Variants in CHTOP observed in about 807,000 individuals in gnomAD.
CHTOP encodes chromatin target of PRMT1.
Under a neutral mutation model 33.6 loss-of-function variants are expected in CHTOP, and 18 were observed. That is an observed-to-expected ratio of 0.54 (90% CI 0.37 to 0.80). The LOEUF (loss-of-function observed/expected upper bound fraction) is 0.80, where lower values mean the gene tolerates loss of function less well. CHTOP is among the 30% of genes least tolerant of loss of function. The pLI, the probability that CHTOP is intolerant of heterozygous loss-of-function variation, is 0.00. For missense variants in CHTOP, 263 were observed against 336.8 expected (o/e 0.78, Z 1.71); for synonymous variants, 117 against 127.7 (o/e 0.92, Z 0.56).
At chr1:153,642,462 C>T (rs1431100130) in intron 4 of CHTOP, 33 bp downstream of exon 4, 2 of 1,537,880 alleles carry the variant, frequency 1.3e-6, no homozygotes, top group East Asian at 2.3e-5. Context: ...ATTGTCGGGC[C>T]CTACTCCCTT....
rs1368014036 is a variant in CHTOP at position 153,646,021 on chromosome 1, G to T, written c.*752G>T. On this transcript the variant is annotated 3_prime_UTR_variant, in exon 6 of 6. Coordinates refer to ENST00000368694, the MANE Select transcript of CHTOP (RefSeq NM_015607.4). ...TGACCAGAGGGGTACTATAGGGTTG[G>T]TTTATACTGCAATATAGAGGATCAG... 2.0e-5 allele frequency: 3 copies of T among 152,230 alleles called. No individual in the cohort carries two copies. Among genetic ancestry groups the T allele is most frequent in the African/African-American group, 7.2e-5 (3 of 41,442 alleles). The allele number at this position is 152,230 out of a possible 1,614,324, so 9.4% of individuals were successfully genotyped here.
intron 1 of CHTOP, among the ~76,000 whole-genome samples, chr1:153,635,409 C>T (rs1168217179): frequency 6.6e-6 from 1 of 152,038 alleles, no homozygotes; most frequent in African/African-American, 2.4e-5. Flanking sequence ...GCCTTGGCCT[C>T]CCAAAGTGCT....
Position 153,642,357 on chromosome 1 carries a change from G to A in CHTOP, c.331G>A (p.Gly111Ser). Residue 111 changes from glycine (G) to serine (S), a missense_variant, in exon 4 of 6, where the codon GGC becomes AGC. By Grantham distance (56) the Gly-to-Ser change is moderately conservative. This residue lies in a region of CHTOP where 168 missense variants were observed against 179.9 expected (regional missense o/e 0.93). Transcript: ENST00000368694. ...GGRGLPIIQR[G>S]LPRGGLRGGR... The stretch of plus-strand genomic sequence containing the variant: ...ACGAGGCCTACCCATAATCCAGAGA[G>A]GCTTGCCCAGAGGAGGACTACGTGG... 1 of 1,614,172 alleles carries A rather than the reference G, an allele frequency of 6.2e-7. No individual in the cohort carries two copies. The highest frequency in any genetic ancestry group is 1.1e-5 in the South Asian group (1 of 91,088).
rs1668801588 is a variant in CHTOP at position 153,645,751 on chromosome 1, T to G, written c.*482T>G. On this transcript the variant is annotated 3_prime_UTR_variant, in exon 6 of 6. Coordinates refer to ENST00000368694, the MANE Select transcript of CHTOP (RefSeq NM_015607.4). ...GTTACATCCTCTTCGATAGCCTGTTTAAAATGTTTAGAAGGTCTGGAGCTC... is the reference window on the plus strand; with the variant it reads ...GTTACATCCTCTTCGATAGCCTGTTGAAAATGTTTAGAAGGTCTGGAGCTC... The G allele has an allele frequency of 6.3e-6, 1 of 158,602 alleles. No individual in the cohort carries two copies. Among genetic ancestry groups the G allele is most frequent in the South Asian group, 1.8e-4 (1 of 5,442 alleles). 9.8% of individuals were successfully genotyped at this position (158,602 alleles called of 1,614,324 possible).
Position 153,638,421 on chromosome 1 carries a change from T to C in CHTOP, c.192T>C (p.Ser64=), listed in dbSNP as rs780305848. The C allele has an allele frequency of 2.4e-5, 39 of 1,614,126 alleles. No individual in the cohort carries two copies. Among genetic ancestry groups the C allele is most frequent in the Non-Finnish European group, 2.6e-5 (31 of 1,180,052 alleles). The part of the protein sequence containing the change: ...RLAQQMENRP[S]VQAALKLKQS... Reference sequence around the variant, plus strand: ...CCCAGCAGATGGAGAATAGACCCTCTGTCCAGGCAGCATTAAAACTTAAGC... The same window carrying C: ...CCCAGCAGATGGAGAATAGACCCTCCGTCCAGGCAGCATTAAAACTTAAGC... The change falls in exon 3 of 6, where the codon TCT becomes TCC. Residue 64 remains serine (S), a synonymous_variant. Transcript: ENST00000368694.
chr1:153,642,463 C>G, intron 4 of CHTOP, 34 bp downstream of exon 4: 1 of 1,534,744 alleles, frequency 6.5e-7, no homozygotes, highest in Non-Finnish European at 8.8e-7. Context: ...TTGTCGGGCC[C>G]TACTCCCTTC....
chr1:153,636,510 T>C lies in CHTOP; in HGVS notation c.-17-62T>C, dbSNP rs1668409106. On this transcript the variant is annotated intron_variant, in intron 1 of 5. Transcript: ENST00000368694. ...TTTTATTTATTTTTGGCTTGGGCCTTGCCACTTATAGAAATGATGTCACTA... is the reference window on the plus strand; with the variant it reads ...TTTTATTTATTTTTGGCTTGGGCCTCGCCACTTATAGAAATGATGTCACTA... 15 of 1,410,262 alleles carry C rather than the reference T, an allele frequency of 1.1e-5. No homozygotes were observed. In the South Asian group the frequency reaches 1.8e-4, roughly 17 times the overall value. 87.4% of individuals were successfully genotyped at this position (1,410,262 alleles called of 1,614,324 possible).
intron 4 of CHTOP, 153 bp downstream of exon 4, chr1:153,642,582 C>A (rs1668667071): frequency 1.8e-6 from 1 of 568,098 alleles, no homozygotes; most frequent in Non-Finnish European, 2.9e-6. Context: ...TGCTGCATGT[C>A]TTTTATCAAT....
chr1:153,638,212 C>G (rs1220550735), intron 2 of CHTOP, 83 bp from the exon 3 acceptor site: 1 of 1,481,336 alleles, frequency 6.8e-7, no homozygotes, highest in Non-Finnish European at 9.3e-7. Flanking sequence ...ATCTGGAGCT[C>G]CTGGTCTAGC....
chr1:153,636,448 G>A, intron 1 of CHTOP, 124 bp from the exon 2 acceptor site: 3 of 595,084 alleles, frequency 5.0e-6, no homozygotes, highest in Non-Finnish European at 5.8e-6. Flanking sequence ...CTTGAAATGT[G>A]CCCTCGTGTG....
intron 2 of CHTOP, 155 bp from the exon 3 acceptor site, chr1:153,638,137 CAGA>C: frequency 1.5e-6 from 1 of 670,648 alleles, no homozygotes. Context: ...TTTGTGGAAA[CAGA>C]GGAGTCTTTA....
intron 1 of CHTOP, among the ~76,000 whole-genome samples, chr1:153,634,688 T>C (rs1228283772): frequency 6.6e-6 from 1 of 152,156 alleles, no homozygotes; most frequent in Non-Finnish European, 1.5e-5. Context: ...TTAAGTTTTG[T>C]GGAGGGCTCT....
chr1:153,636,409 CAAAA>C (rs35357072), intron 1 of CHTOP, among the ~76,000 whole-genome samples, 159 bp from the exon 2 acceptor site: 1 of 122,718 alleles, frequency 8.1e-6, no homozygotes, highest in African/African-American at 3.1e-5. Context: ...GACCCTGTCT[CAAAA>C]AAAAAAAAAA....
Position 153,645,348 on chromosome 1 carries a change from A to G in CHTOP, c.*79A>G. Reference sequence around the variant, plus strand: ...ACCTTGAGATAACAGATGAGAAGAAATCTGATTGATGCTGGATGGACCTAT... The same window carrying G: ...ACCTTGAGATAACAGATGAGAAGAAGTCTGATTGATGCTGGATGGACCTAT... On this transcript the variant is annotated 3_prime_UTR_variant, in exon 6 of 6. Transcript: ENST00000368694. 1.5e-6 allele frequency: 2 copies of G among 1,376,100 alleles called. No homozygotes were observed. The highest frequency in any genetic ancestry group is 2.5e-5 in the South Asian group (2 of 79,164). 85.2% of individuals were successfully genotyped at this position (1,376,100 alleles called of 1,614,324 possible). A position where few individuals can be genotyped will look rare whatever the true frequency, so the allele number is the denominator to read the frequency against.
At chr1:153,640,429 A>C (rs190571171) in intron 3 of CHTOP, among the ~76,000 whole-genome samples, 271 of 152,284 alleles carry the variant, frequency 1.8e-3, no homozygotes, top group Admixed American at 2.9e-3. Flanking sequence ...AGTTGGCACC[A>C]CTGCATTCCA....
chr1:153,634,863 T>G (rs1287825725), intron 1 of CHTOP, among the ~76,000 whole-genome samples: 16 of 102,638 alleles, frequency 1.6e-4, no homozygotes, highest in African/African-American at 6.8e-4. Context: ...TATATTTTTT[T>G]TTGGGGGGGG....
chr1:153,643,417 A>T, intron 5 of CHTOP, 53 bp downstream of exon 5: 1 of 1,462,926 alleles, frequency 6.8e-7, no homozygotes, highest in Non-Finnish European at 9.0e-7. Flanking sequence ...TCCTCCCTTA[A>T]AAACTCAGAG....
rs41305080 is a variant in CHTOP, at chr1:153,645,511, G to T, written c.*242G>T. Reference sequence around the variant, plus strand: ...TTTGTTTTTTTAGGGGGGAGGGGGGGTTTCCCCTCCTTTGCCCAGACTTCT... The same window carrying T: ...TTTGTTTTTTTAGGGGGGAGGGGGGTTTTCCCCTCCTTTGCCCAGACTTCT... On this transcript the variant is annotated 3_prime_UTR_variant, in exon 6 of 6. Coordinates refer to ENST00000368694, the MANE Select transcript of CHTOP (RefSeq NM_015607.4). 1.6e-5 allele frequency: 5 copies of T among 308,700 alleles called. No homozygotes were observed. The highest frequency in any genetic ancestry group is 4.9e-5 in the Admixed American group (1 of 20,208). 19.1% of individuals were successfully genotyped at this position (308,700 alleles called of 1,614,324 possible). A position where few individuals can be genotyped will look rare whatever the true frequency, so the allele number is the denominator to read the frequency against.
rs1668472070 is a variant in CHTOP at position 153,637,993 on chromosome 1, C to T, written c.66-302C>T. 9 of 332,972 alleles carry T rather than the reference C, an allele frequency of 2.7e-5. No individual in the cohort carries two copies. In the South Asian group the frequency reaches 2.9e-4, roughly 11 times the overall value. 20.6% of individuals were successfully genotyped at this position (332,972 alleles called of 1,614,324 possible). On this transcript the variant is annotated intron_variant, in intron 2 of 5. Transcript: ENST00000368694. ...TTGTCTTTGAAACTATATCTTCTGT[C>T]TCTTGTCATATCTGCTTATTGCGTG... is the stretch of plus-strand genomic sequence containing the variant.
Sources: gnomAD v4.1 joint callset for allele counts (sites outside exome capture counted in the v4.1 genomes callset) on GRCh38, gnomAD v4.1.1 for gene constraint, gnomAD v4.1.1 regional missense constraint, MANE v1.5 for transcripts, NCBI Gene and HGNC (gene_info 2026-07-23, HGNC 2026-07-21) for gene names.